Variants in REPS2 observed in about 807,000 individuals in gnomAD.
REPS2 encodes the protein RALBP1 associated Eps domain containing 2.
A neutral mutation model predicts 53.6 loss-of-function variants in REPS2; 23 were observed. The observed-to-expected ratio is 0.43, with a 90% CI of 0.31 to 0.61. The LOEUF (loss-of-function observed/expected upper bound fraction) is 0.61, where lower values mean the gene tolerates loss of function less well. Ranked by LOEUF, REPS2 falls within the 20% of genes least tolerant of loss-of-function variation. The pLI is 0.11. For missense variants in REPS2, 446 were observed against 534.9 expected (o/e 0.83, Z 1.64); for synonymous variants, 238 against 218.6 (o/e 1.09, Z -0.78).
intron 13 of REPS2, among the ~76,000 whole-genome samples, chrX:17,084,324 C>T (rs1414160655): frequency 1.8e-5 from 2 of 111,882 alleles, no homozygotes; most frequent in Non-Finnish European, 1.9e-5. Flanking sequence ...GGGTTGTTTC[C>T]ACTTTTTGAC....
intron 14 of REPS2, among the ~76,000 whole-genome samples, chrX:17,118,327 C>T (rs925567527): frequency 2.7e-5 from 3 of 111,244 alleles, no homozygotes; most frequent in African/African-American, 9.8e-5. Flanking sequence ...TCAGCTGCCT[C>T]TGTCTGCTTC....
At chrX:16,989,111 G>A (rs964675702) in intron 1 of REPS2, among the ~76,000 whole-genome samples, 1 of 111,099 alleles carries the variant, frequency 9.0e-6, no homozygotes, top group Non-Finnish European at 1.9e-5. Flanking sequence ...ATAGATCAAC[G>A]GAACAGAACA....
the REPS2 span, among the ~76,000 whole-genome samples, chrX:17,182,301 T>C: frequency 3.6e-5 from 4 of 111,040 alleles, no homozygotes; most frequent in South Asian, 3.8e-4. Context: ...AGAGACCTCA[T>C]AGAAGTAGAG....
chrX:17,046,810 C>T (rs981813198), intron 5 of REPS2, among the ~76,000 whole-genome samples: 10 of 111,659 alleles, frequency 9.0e-5, no homozygotes, highest in African/African-American at 3.3e-4. Flanking sequence ...TCACAAATGC[C>T]AAATGAGAGG....
Position 17,074,787 on chromosome X carries a change from G to A in REPS2, c.1379+628G>A, listed in dbSNP as rs1473492059. 5.4e-5 allele frequency among the ~76,000 whole-genome samples: 6 copies of A among 111,843 alleles called. No individual in the cohort carries two copies. In the Admixed American group the frequency reaches 5.7e-4, roughly 11 times the overall value. On this transcript the variant is annotated intron_variant, in intron 12 of 17. Transcript: ENST00000357277. ...CTAATAGAATTAATCCATTAAGGAAGGGAAATGGTATTGGTACTGTATTTC... is the reference window on the plus strand; with the variant it reads ...CTAATAGAATTAATCCATTAAGGAAAGGAAATGGTATTGGTACTGTATTTC...
chrX:17,026,987 T>G (rs973714320), intron 4 of REPS2, among the ~76,000 whole-genome samples: 14 of 111,049 alleles, frequency 1.3e-4, no homozygotes, highest in Non-Finnish European at 1.9e-5. Flanking sequence ...AGAGATGGGA[T>G]TTCGCCATGT....
At chrX:17,118,863 G>T (rs892423929) in intron 14 of REPS2, among the ~76,000 whole-genome samples, 4 of 112,115 alleles carry the variant, frequency 3.6e-5, no homozygotes, top group African/African-American at 1.3e-4. Context: ...GTAGCAAAAG[G>T]CCAAGGGTAA....
intron 13 of REPS2, among the ~76,000 whole-genome samples, chrX:17,091,475 T>A: frequency 8.9e-6 from 1 of 112,163 alleles, no homozygotes; most frequent in Non-Finnish European, 1.9e-5. Flanking sequence ...TTTCTCCAGG[T>A]CTTAATTTTC....
intron 13 of REPS2, among the ~76,000 whole-genome samples, chrX:17,101,198 C>T (rs755281733): frequency 1.4e-4 from 15 of 108,358 alleles, no homozygotes; most frequent in Non-Finnish European, 1.9e-4. Context: ...GGACTACAGG[C>T]GCCCGCCACC....
intron 1 of REPS2, among the ~76,000 whole-genome samples, chrX:16,993,857 TA>T (rs2061192273): frequency 8.9e-6 from 1 of 112,873 alleles, no homozygotes; most frequent in Non-Finnish European, 1.9e-5. Context: ...ACAGTCCTGT[TA>T]ATAACAGAAC....
chrX:17,171,182 CT>C, the REPS2 span, among the ~76,000 whole-genome samples: 1 of 112,583 alleles, frequency 8.9e-6, no homozygotes, highest in Admixed American at 9.4e-5. Flanking sequence ...GCAGCTGTAT[CT>C]TTTCAGCTGT....
At chrX:16,980,826 A>G (rs2061012066) in intron 1 of REPS2, among the ~76,000 whole-genome samples, 1 of 112,282 alleles carries the variant, frequency 8.9e-6, no homozygotes. Context: ...CCCTGTTCCA[A>G]ATGGAATGAA....
chrX:16,947,803 G>T (rs2147580733), intron 1 of REPS2, among the ~76,000 whole-genome samples: 1 of 111,884 alleles, frequency 8.9e-6, no homozygotes, highest in Admixed American at 9.5e-5. Flanking sequence ...TCCACCATGG[G>T]AAACAGCTGT....
chrX:17,027,199 C>G (rs780335527), intron 4 of REPS2, among the ~76,000 whole-genome samples: 1 of 111,617 alleles, frequency 9.0e-6, no homozygotes, highest in South Asian at 3.8e-4. Context: ...AGAGATGACC[C>G]TCTCCGGTCA....
chrX:17,011,377 T>G (rs914747041), intron 2 of REPS2, among the ~76,000 whole-genome samples: 2 of 111,138 alleles, frequency 1.8e-5, no homozygotes, highest in Non-Finnish European at 3.8e-5. Context: ...ACATTTGCCC[T>G]GGGACCTGCT....
At chrX:16,980,460 G>A (rs1388343825) in intron 1 of REPS2, among the ~76,000 whole-genome samples, 6 of 110,063 alleles carry the variant, frequency 5.5e-5, no homozygotes, top group Non-Finnish European at 1.1e-4. Context: ...GTGCCACCAC[G>A]CCCAGCTAAT....
intron 5 of REPS2, among the ~76,000 whole-genome samples, chrX:17,034,315 A>T (rs2061741545): frequency 9.0e-6 from 1 of 111,439 alleles, no homozygotes; most frequent in African/African-American, 3.3e-5. Context: ...TTATTTTTTT[A>T]GACGGAGTTT....
At chrX:17,018,312 G>A (rs1429948149) in intron 2 of REPS2, among the ~76,000 whole-genome samples, 1 of 107,204 alleles carries the variant, frequency 9.3e-6, no homozygotes, top group Non-Finnish European at 1.9e-5. Flanking sequence ...TCAGCCTCCC[G>A]AGTAGCTGGG....
chrX:17,171,046 C>T, the REPS2 span, among the ~76,000 whole-genome samples: 110 of 113,087 alleles, frequency 9.7e-4, 1 homozygote, highest in African/African-American at 3.3e-3. Context: ...TTGCCTGTGG[C>T]CACACCAACA....
Sources: gnomAD v4.1 joint callset for allele counts (sites outside exome capture counted in the v4.1 genomes callset) on GRCh38, gnomAD v4.1.1 for gene constraint, MANE v1.5 for transcripts, NCBI Gene and HGNC (gene_info 2026-07-23, HGNC 2026-07-21) for gene names.